ANKIB1: variants seen among roughly 807,000 people sequenced by gnomAD.
ANKIB1 encodes ankyrin repeat and IBR domain-containing protein 1.
In ANKIB1, 43 loss-of-function variants were observed where a neutral mutation model predicts 122.1. That is an observed-to-expected ratio of 0.35 (90% CI 0.28 to 0.45). ANKIB1 has a LOEUF of 0.45. Ranked by LOEUF, ANKIB1 falls within the 20% of genes least tolerant of loss-of-function variation. The pLI is 1.00. For missense variants in ANKIB1, 992 were observed against 1,329.5 expected, an observed-to-expected ratio of 0.75 and a Z score of 3.95; for synonymous variants, 390 against 442.0, an observed-to-expected ratio of 0.88 and a Z score of 1.48.
chr7:92,265,154 C>T (rs1396880399), intron 1 of ANKIB1, among the ~76,000 whole-genome samples: 1 of 151,650 alleles, frequency 6.6e-6, no homozygotes. Context: ...ATTTTTTTCA[C>T]ATTTTGTAGA....
chr7:92,364,574 A>G (rs1023764265), intron 10 of ANKIB1, among the ~76,000 whole-genome samples: 3 of 152,120 alleles, frequency 2.0e-5, no homozygotes, highest in African/African-American at 7.2e-5. Context: ...ATGGCTTGCT[A>G]TTGGCCACCT....
rs761120586 is a variant in ANKIB1 at position 92,246,535 on chromosome 7, G to A, written c.-91+16G>A. Reference sequence around the variant, plus strand: ...AGAAGTAACCGTAAGTCTCAGCTTCGCGGTACAGATGTGTTTGAGGCTGCC... The same window carrying A: ...AGAAGTAACCGTAAGTCTCAGCTTCACGGTACAGATGTGTTTGAGGCTGCC... On this transcript the variant is annotated intron_variant, in intron 1 of 19. Coordinates refer to ENST00000265742, the MANE Select transcript of ANKIB1 (RefSeq NM_019004.2). The A allele has an allele frequency of 7.7e-6, 4 of 517,676 alleles. No homozygotes were observed. The highest frequency in any genetic ancestry group is 5.6e-5 in the South Asian group (4 of 71,234). 32.1% of individuals were successfully genotyped at this position (517,676 alleles called of 1,614,324 possible).
intron 11 of ANKIB1, among the ~76,000 whole-genome samples, chr7:92,376,218 G>T (rs566185332): frequency 1.3e-5 from 2 of 152,118 alleles, no homozygotes; most frequent in South Asian, 2.1e-4. Flanking sequence ...GCATTATCCC[G>T]TAACAAGAGT....
chr7:92,326,057 G>T (rs1477729211), intron 4 of ANKIB1: 1 of 363,404 alleles, frequency 2.8e-6, no homozygotes, highest in East Asian at 7.3e-5. Flanking sequence ...TGCCCACTTG[G>T]GACTGAGCAA....
intron 5 of ANKIB1, among the ~76,000 whole-genome samples, chr7:92,341,322 A>AAG: frequency 6.6e-6 from 1 of 152,078 alleles, no homozygotes; most frequent in East Asian, 1.9e-4. Context: ...AAAAAAAAAA[A>AAG]AAAAAATTTG....
At chr7:92,307,759 A>AT (rs912092181) in intron 3 of ANKIB1, 103 bp downstream of exon 3, 62 of 793,338 alleles carry the variant, frequency 7.8e-5, no homozygotes, top group African/African-American at 1.6e-4. Context: ...TAATTTGGTC[A>AT]TTTTTTTTCT....
At chr7:92,344,883 A>G in intron 6 of ANKIB1, 95 bp from the exon 7 acceptor site, 1 of 959,356 alleles carries the variant, frequency 1.0e-6, no homozygotes, top group East Asian at 2.6e-5. Context: ...TAATTACTGT[A>G]CTAGTATTTT....
chr7:92,345,106 A>T, intron 7 of ANKIB1, 40 bp downstream of exon 7: 6 of 1,364,722 alleles, frequency 4.4e-6, no homozygotes, highest in Non-Finnish European at 5.2e-6. Flanking sequence ...ACTGCATGAT[A>T]GCACTCTGAT....
intron 16 of ANKIB1, 51 bp downstream of exon 16, chr7:92,391,395 C>A: frequency 7.1e-7 from 1 of 1,399,530 alleles, no homozygotes; most frequent in Non-Finnish European, 9.4e-7. Context: ...CCACAAATAC[C>A]AGCAGTTTTG....
At chr7:92,358,587 C>T (rs1429834552) in intron 9 of ANKIB1, among the ~76,000 whole-genome samples, 1 of 96,622 alleles carries the variant, frequency 1.0e-5, no homozygotes, top group Admixed American at 1.5e-4. Context: ...TTTGTTCCCC[C>T]ATGATTCTTT....
intron 11 of ANKIB1, among the ~76,000 whole-genome samples, chr7:92,373,304 A>G (rs1285287995): frequency 9.9e-5 from 15 of 152,198 alleles, no homozygotes; most frequent in Admixed American, 7.9e-4. Flanking sequence ...TCAAATGACA[A>G]TAAAAATTTA....
intron 1 of ANKIB1, among the ~76,000 whole-genome samples, chr7:92,267,397 C>G (rs1056869755): frequency 2.8e-4 from 43 of 152,186 alleles, no homozygotes; most frequent in African/African-American, 9.7e-4. Context: ...AAAATTATGT[C>G]TCCCAAGAGT....
intron 5 of ANKIB1, among the ~76,000 whole-genome samples, chr7:92,340,383 A>C (rs1803410788): frequency 6.6e-6 from 1 of 152,202 alleles, no homozygotes; most frequent in Non-Finnish European, 1.5e-5. Context: ...AGACAAATAG[A>C]CCATTGAAAC....
At chr7:92,366,038 T>G (rs1477445747) in intron 10 of ANKIB1, among the ~76,000 whole-genome samples, 1 of 151,842 alleles carries the variant, frequency 6.6e-6, no homozygotes, top group Admixed American at 6.6e-5. Flanking sequence ...GTGATCCGCC[T>G]GCCTCAGCCT....
intron 11 of ANKIB1, among the ~76,000 whole-genome samples, chr7:92,375,059 ACTGT>A (rs1804351587): frequency 6.7e-6 from 1 of 150,170 alleles, no homozygotes; most frequent in African/African-American, 2.5e-5. Context: ...GTAAATTCAC[ACTGT>A]CTGTTAAGTG....
intron 1 of ANKIB1, among the ~76,000 whole-genome samples, chr7:92,262,858 G>T (rs1336026608): frequency 1.3e-5 from 2 of 152,104 alleles, no homozygotes; most frequent in East Asian, 3.8e-4. Flanking sequence ...ACATTTTACT[G>T]AGTACCTACT....
At chr7:92,352,738 T>C (rs748761516) in intron 9 of ANKIB1, 96 bp downstream of exon 9, 547 of 1,198,684 alleles carry the variant, frequency 4.6e-4, no homozygotes, top group Non-Finnish European at 6.2e-4. Flanking sequence ...AATTGTAGTA[T>C]ACTTGATAGT....
intron 5 of ANKIB1, among the ~76,000 whole-genome samples, chr7:92,342,589 G>A (rs1015770074): frequency 3.3e-5 from 5 of 152,052 alleles, no homozygotes; most frequent in African/African-American, 1.2e-4. Flanking sequence ...CCTGTAATTG[G>A]CATTTTGACA....
chr7:92,259,813 G>T (rs1035400040), intron 1 of ANKIB1, among the ~76,000 whole-genome samples: 3 of 152,090 alleles, frequency 2.0e-5, no homozygotes, highest in Non-Finnish European at 4.4e-5. Context: ...AGGTGCTCAT[G>T]CCAGGACCTT....
Sources: gnomAD v4.1 joint callset for allele counts (sites outside exome capture counted in the v4.1 genomes callset) on GRCh38, gnomAD v4.1.1 for gene constraint, MANE v1.5 for transcripts, NCBI Gene and HGNC (gene_info 2026-07-23, HGNC 2026-07-21) for gene names.